Variants in LCA5 observed in about 807,000 individuals in gnomAD.
LCA5 encodes the protein lebercilin LCA5.
LCA5 carries 37 observed loss-of-function variants against 53.0 expected under a neutral mutation model. The ratio of observed to expected loss-of-function variants is 0.70; its 90% CI spans 0.54 to 0.92. The LOEUF is 0.92. LCA5 is among the 40% of genes least tolerant of loss of function. The pLI, the probability that LCA5 is intolerant of heterozygous loss-of-function variation, is 0.00. For missense variants in LCA5, 806 were observed against 790.5 expected, an observed-to-expected ratio of 1.02 and a Z score of -0.23; for synonymous variants, 303 against 282.9, an observed-to-expected ratio of 1.07 and a Z score of -0.71.
Position 79,513,258 on chromosome 6 carries a change from A to G in LCA5, c.674T>C (p.Leu225Pro). 6.2e-7 allele frequency: 1 copy of G among 1,613,604 alleles called. No homozygotes were observed. The highest frequency in any genetic ancestry group is 8.5e-7 in the Non-Finnish European group (1 of 1,179,690). Residue 225 changes from leucine (L) to proline (P), a missense_variant, in exon 3 of 8, where the codon CTA becomes CCA. Physicochemically the swap from Leu to Pro is moderately conservative, Grantham distance 98 (BLOSUM62 -3). Transcript: ENST00000369846. ...LPERDDLAKK[L>P]VSAELKLDDT... Reference sequence around the variant, plus strand: ...ATCTAACTTTAACTCTGCTGAAACTAGTTTCTTTGCCAAATCATCTCGTTC... The same window carrying G: ...ATCTAACTTTAACTCTGCTGAAACTGGTTTCTTTGCCAAATCATCTCGTTC...
At chr6:79,497,087 G>A (rs900394447) in intron 3 of LCA5, among the ~76,000 whole-genome samples, 1 of 152,018 alleles carries the variant, frequency 6.6e-6, no homozygotes, top group African/African-American at 2.4e-5. Flanking sequence ...TGAGGAAAAA[G>A]CAAACTGAAA....
At chr6:79,532,816 G>A (rs1038630322) in intron 1 of LCA5, among the ~76,000 whole-genome samples, 1 of 152,028 alleles carries the variant, frequency 6.6e-6, no homozygotes, top group Non-Finnish European at 1.5e-5. Flanking sequence ...TATAAGACCC[G>A]TGAGACAGAA....
At chr6:79,501,626 A>G (rs1770141082) in intron 3 of LCA5, among the ~76,000 whole-genome samples, 1 of 151,708 alleles carries the variant, frequency 6.6e-6, no homozygotes, top group African/African-American at 2.4e-5. Flanking sequence ...TATAGTATCC[A>G]ATTATATCCA....
At position 79,490,824 on chromosome 6, in the gene LCA5, C is replaced by A. The variant is rs771111904; in HGVS notation, c.1098+764G>T. ...CATTGTATGAAATATGCTAGGTTGC[C>A]GATACGTTGTTTTCTTTGGGGTTTA... On this transcript the variant is annotated intron_variant, in intron 6 of 7. Coordinates refer to ENST00000369846, the MANE Select transcript of LCA5 (RefSeq NM_001122769.3). 4.6e-5 allele frequency among the ~76,000 whole-genome samples: 7 copies of A among 152,034 alleles called. No individual in the cohort carries two copies. In the East Asian group the frequency reaches 1.4e-3, roughly 29 times the overall value.
rs1380362641 is a variant in LCA5 at position 79,487,223 on chromosome 6, A to G, written c.1875T>C (p.Asn625=). 1 of 1,614,032 alleles carries G rather than the reference A, an allele frequency of 6.2e-7. No individual in the cohort carries two copies. The highest frequency in any genetic ancestry group is 1.7e-5 in the Admixed American group (1 of 59,998). Residue 625 remains asparagine, a synonymous_variant, in exon 8 of 8, where the codon AAT becomes AAC. Transcript: ENST00000369846. The part of the protein sequence containing the change: ...STISSKSSDP[N]SVASSKGDID... ...TGTCTCCTTTACTGGAAGCCACAGA[A>G]TTTGGGTCACTGCTTTTGGAGGAAA... is the stretch of plus-strand genomic sequence containing the variant.
chr6:79,492,956 T>TAGTATCTCTC (rs765948089), intron 4 of LCA5, among the ~76,000 whole-genome samples: 7 of 152,116 alleles, frequency 4.6e-5, no homozygotes, highest in Non-Finnish European at 1.0e-4. Flanking sequence ...ATAATTTAGT[T>TAGTATCTCTC]AGTATCTCTC....
chr6:79,490,022 T>C (rs1769793546), intron 6 of LCA5, among the ~76,000 whole-genome samples: 1 of 151,978 alleles, frequency 6.6e-6, no homozygotes, highest in African/African-American at 2.4e-5. Flanking sequence ...GTTCCAACCA[T>C]ACACAAGAGG....
chr6:79,506,550 C>G (rs772668771), intron 3 of LCA5, among the ~76,000 whole-genome samples: 1 of 152,048 alleles, frequency 6.6e-6, no homozygotes, highest in African/African-American at 2.4e-5. Flanking sequence ...TTACTTTCAC[C>G]CCCTATTTGA....
chr6:79,520,818 C>CA lies in LCA5; in HGVS notation c.-191-1734dup, dbSNP rs550450488. On this transcript the variant is annotated intron_variant, in intron 1 of 7. Coordinates refer to ENST00000369846, the MANE Select transcript of LCA5 (RefSeq NM_001122769.3). ...AGTCTGGCATAATCTCTAGGATATA[C>CA]AGAGAAAAGAAAGATGGAAAAAAGC... Among the ~76,000 whole-genome samples, 405 of 152,054 alleles carry CA rather than the reference C, an allele frequency of 2.7e-3. 3 individuals are homozygous for CA. The highest frequency in any genetic ancestry group is 4.4e-3 in the Non-Finnish European group (296 of 67,978).
At chr6:79,494,217 CAAAACAAGACTATCTTAAA>C (rs1769918850) in intron 3 of LCA5, among the ~76,000 whole-genome samples, 1 of 150,056 alleles carries the variant, frequency 6.7e-6, no homozygotes, top group Non-Finnish European at 1.5e-5. Context: ...CCTTGGTAGA[CAAAACAAGACTATCTTAAA>C]AAAAAAAAAT....
intron 3 of LCA5, among the ~76,000 whole-genome samples, chr6:79,497,321 A>G (rs1016940956): frequency 6.6e-6 from 1 of 152,204 alleles, no homozygotes; most frequent in Non-Finnish European, 1.5e-5. Flanking sequence ...AATGTTAGAC[A>G]AGTTGAGCAA....
At chr6:79,504,789 T>C (rs1166189452) in intron 3 of LCA5, among the ~76,000 whole-genome samples, 1 of 152,202 alleles carries the variant, frequency 6.6e-6, no homozygotes, top group Non-Finnish European at 1.5e-5. Flanking sequence ...AGCATGAGAC[T>C]GATTTTTTTC....
intron 3 of LCA5, among the ~76,000 whole-genome samples, chr6:79,500,942 T>C (rs895818330): frequency 6.6e-6 from 1 of 152,156 alleles, no homozygotes; most frequent in African/African-American, 2.4e-5. Flanking sequence ...ACCTAAAATC[T>C]GGTACTTGCT....
intron 5 of LCA5, among the ~76,000 whole-genome samples, 172 bp from the exon 6 acceptor site, chr6:79,491,902 A>G (rs1769856075): frequency 6.6e-6 from 1 of 152,060 alleles, no homozygotes; most frequent in East Asian, 1.9e-4. Context: ...TATATTCACC[A>G]TATAAATATA....
At position 79,487,496 on chromosome 6, in the gene LCA5, T is replaced by G; in HGVS notation, c.1602A>C (p.Gly534=). ...TAACATTTCCTGAATTCTGACCTTC[T>G]CCTTTTGGAGTTGAGAAACTGATGT... ...LQDISFSTPK[G]EGQNSGNVRS... The change falls in exon 8 of 8, where the codon GGA becomes GGC. Residue 534 remains glycine, a synonymous_variant. Transcript: ENST00000369846. 2.5e-6 allele frequency: 4 copies of G among 1,614,028 alleles called. No individual in the cohort carries two copies. The highest frequency in any genetic ancestry group is 3.4e-6 in the Non-Finnish European group (4 of 1,179,930).
Position 79,489,208 on chromosome 6 carries a change from T to C in LCA5, c.1107A>G (p.Gln369=), listed in dbSNP as rs567383824. 47 of 1,611,552 alleles carry C rather than the reference T, an allele frequency of 2.9e-5. 1 individual carries two copies. The highest frequency in any genetic ancestry group is 8.0e-5 in the African/African-American group (6 of 74,990). The part of the protein sequence containing the change: ...EEPGHLTLDL[Q]SQKQDRHGEA... ...CTCCATGCCTGTCTTGCTTTTGAGATTGCAAGTCCTATTATACGTTAAAAA... is the reference window on the plus strand; with the variant it reads ...CTCCATGCCTGTCTTGCTTTTGAGACTGCAAGTCCTATTATACGTTAAAAA... Residue 369 remains glutamine (Q), a synonymous_variant, in exon 7 of 8, where the codon CAA becomes CAG. Transcript: ENST00000369846.
intron 2 of LCA5, among the ~76,000 whole-genome samples, chr6:79,517,811 A>G (rs1766483879): frequency 6.6e-6 from 1 of 152,162 alleles, no homozygotes; most frequent in South Asian, 2.1e-4. Context: ...TTCAATGGCT[A>G]ACTATTCGCC....
intron 3 of LCA5, among the ~76,000 whole-genome samples, chr6:79,496,878 C>A (rs1438012353): frequency 1.3e-5 from 2 of 151,930 alleles, no homozygotes; most frequent in Non-Finnish European, 2.9e-5. Context: ...AGTCTAGTAG[C>A]CTTTATTTCA....
intron 1 of LCA5, among the ~76,000 whole-genome samples, chr6:79,525,927 G>C (rs1766773867): frequency 6.6e-6 from 1 of 152,186 alleles, no homozygotes. Flanking sequence ...ATTACACAAA[G>C]GGAGTCACTG....
Sources: gnomAD v4.1 joint callset for allele counts (sites outside exome capture counted in the v4.1 genomes callset) on GRCh38, gnomAD v4.1.1 for gene constraint, MANE v1.5 for transcripts, NCBI Gene and HGNC (gene_info 2026-07-23, HGNC 2026-07-21) for gene names.